Variants in MAP6 observed in about 807,000 individuals in gnomAD.
The protein encoded by MAP6 is microtubule-associated protein 6.
A neutral mutation model predicts 42.4 loss-of-function variants in MAP6; 26 were observed. The observed-to-expected ratio is 0.61, with a 90% CI of 0.45 to 0.85. The LOEUF is 0.85. Among genes scored for constraint, MAP6 ranks in the 40% least tolerant of loss-of-function variants. MAP6 has a pLI of 0.00. For synonymous variants in MAP6, 418 were observed against 443.8 expected (o/e 0.94, Z 0.73); for missense variants, 966 against 1,099.0 (o/e 0.88, Z 1.71).
At chr11:75,660,606 A>G (rs1943827461) in intron 1 of MAP6, among the ~76,000 whole-genome samples, 1 of 152,290 alleles carries the variant, frequency 6.6e-6, no homozygotes, top group East Asian at 1.9e-4. Flanking sequence ...TCTCACAACC[A>G]TGGTTAAGGC....
rs970566779 is a variant in MAP6, at chr11:75,668,457, G to C, written c.-88C>G. 5.6e-6 allele frequency: 8 copies of C among 1,420,828 alleles called. No individual in the cohort carries two copies. The highest frequency in any genetic ancestry group is 2.8e-5 in the East Asian group (1 of 36,320). The allele number at this position is 1,420,828 out of a possible 1,614,324, so 88.0% of individuals were successfully genotyped here. On this transcript the variant is annotated 5_prime_UTR_variant, in exon 1 of 4. Coordinates refer to ENST00000304771, the MANE Select transcript of MAP6 (RefSeq NM_033063.2). ...CTTCCTTCAGCCTCCGATCCTGACC[G>C]GCCAATGTGGTTCCCACCGTTTTCT...
Position 75,630,011 on chromosome 11 carries a change from T to C in MAP6, c.906-21689A>G, listed in dbSNP as rs532921518. The stretch of plus-strand genomic sequence containing the variant: ...AGGACCTACCTTAGAGAAGAATGCT[T>C]GATAAAACACACTACTGGATTTCAA... On this transcript the variant is annotated intron_variant, in intron 1 of 3. Coordinates refer to ENST00000304771, the MANE Select transcript of MAP6 (RefSeq NM_033063.2). Among the ~76,000 whole-genome samples, 9 of 152,304 alleles carry C rather than the reference T, an allele frequency of 5.9e-5. No individual in the cohort carries two copies. In the South Asian group the frequency reaches 1.9e-3, roughly 32 times the overall value.
At chr11:75,633,154 T>C (rs1264623886) in intron 1 of MAP6, among the ~76,000 whole-genome samples, 1 of 152,196 alleles carries the variant, frequency 6.6e-6, no homozygotes, top group Non-Finnish European at 1.5e-5. Context: ...TGAGTCACCA[T>C]GTACAGGGCA....
intron 1 of MAP6, 122 bp from the exon 2 acceptor site, chr11:75,608,444 G>A (rs1942823367): frequency 1.3e-6 from 1 of 756,752 alleles, no homozygotes; most frequent in African/African-American, 1.7e-5. Context: ...CTGAAGTGTG[G>A]CTGGAGGGTT....
At chr11:75,632,600 C>G (rs1237884742) in intron 1 of MAP6, among the ~76,000 whole-genome samples, 1 of 152,058 alleles carries the variant, frequency 6.6e-6, no homozygotes, top group Non-Finnish European at 1.5e-5. Flanking sequence ...GTTCACTGTT[C>G]AAAGAAGATA....
At chr11:75,664,194 A>G (rs193085735) in intron 1 of MAP6, among the ~76,000 whole-genome samples, 4 of 152,352 alleles carry the variant, frequency 2.6e-5, no homozygotes, top group African/African-American at 7.2e-5. Flanking sequence ...AATATCATCT[A>G]TGTAAAATGA....
intron 1 of MAP6, among the ~76,000 whole-genome samples, chr11:75,652,413 C>T (rs1023720651): frequency 6.6e-6 from 1 of 152,190 alleles, no homozygotes; most frequent in Non-Finnish European, 1.5e-5. Flanking sequence ...ACCTCCCTTG[C>T]TGCCTGCCTG....
intron 1 of MAP6, among the ~76,000 whole-genome samples, chr11:75,619,445 T>G (rs1468776328): frequency 6.6e-6 from 1 of 152,176 alleles, no homozygotes; most frequent in Non-Finnish European, 1.5e-5. Flanking sequence ...ACAGATTATT[T>G]CATCACCCAC....
At chr11:75,648,420 C>T (rs746623301) in intron 1 of MAP6, among the ~76,000 whole-genome samples, 1 of 152,074 alleles carries the variant, frequency 6.6e-6, no homozygotes, top group Non-Finnish European at 1.5e-5. Context: ...ATTGCTTGAC[C>T]CTGGAAGGTC....
intron 1 of MAP6, among the ~76,000 whole-genome samples, chr11:75,647,347 C>CAA: frequency 0.021 from 938 of 44,144 alleles, 26 homozygotes; most frequent in African/African-American, 0.052. Flanking sequence ...CCCACCTGAT[C>CAA]AAAAAAAAAA....
chr11:75,619,897 G>A (rs963972913), intron 1 of MAP6, among the ~76,000 whole-genome samples: 1 of 152,136 alleles, frequency 6.6e-6, no homozygotes, highest in African/African-American at 2.4e-5. Context: ...CTAAGGAATT[G>A]TCTTCCACAA....
chr11:75,633,285 T>C (rs1362600394), intron 1 of MAP6, among the ~76,000 whole-genome samples: 1 of 152,226 alleles, frequency 6.6e-6, no homozygotes, highest in Non-Finnish European at 1.5e-5. Context: ...TTTTGTTCTT[T>C]AGGCTAATCC....
At chr11:75,627,122 A>G (rs1943211015) in intron 1 of MAP6, among the ~76,000 whole-genome samples, 1 of 152,280 alleles carries the variant, frequency 6.6e-6, no homozygotes, top group Admixed American at 6.5e-5. Context: ...GGAAATATGC[A>G]GAGCATCCCT....
chr11:75,622,462 AT>A (rs1398853053), intron 1 of MAP6, among the ~76,000 whole-genome samples: 2 of 152,204 alleles, frequency 1.3e-5, no homozygotes, highest in African/African-American at 4.8e-5. Flanking sequence ...AAACTACATA[AT>A]GCTGCTGAGA....
Position 75,588,140 on chromosome 11 carries a change from G to A in MAP6, c.1361C>T (p.Pro454Leu). 6.2e-7 allele frequency: 1 copy of A among 1,613,814 alleles called. No homozygotes were observed. Among genetic ancestry groups the A allele is most frequent in the East Asian group, 2.2e-5 (1 of 44,886 alleles). Residue 454 changes from proline to leucine, a missense_variant, in exon 4 of 4, where the codon CCT (proline) becomes CTT (leucine). By Grantham distance (98) the Pro-to-Leu change is moderately conservative. Around this residue, in one of 2 missense-constraint regions of MAP6, gnomAD observed 943 missense variants for 1,049.9 expected, o/e 0.90. Coordinates refer to ENST00000304771, the MANE Select transcript of MAP6 (RefSeq NM_033063.2). Reference protein sequence around the residue: ...PVSDSSKTQGPVATEPDKDQG... With the variant: ...PVSDSSKTQGLVATEPDKDQG... ...ATCCTTGTCTGGCTCTGTGGCTACA[G>A]GACCTTGAGTCTTACTTGAATCACT...
At chr11:75,588,265 T>A (rs1275449313) in intron 3 of MAP6, 81 bp from the exon 4 acceptor site, 2 of 1,363,140 alleles carry the variant, frequency 1.5e-6, no homozygotes, top group Non-Finnish European at 2.0e-6. Flanking sequence ...CTAATAAGTC[T>A]TGGCCTAGTG....
At chr11:75,628,912 T>A (rs1943240584) in intron 1 of MAP6, among the ~76,000 whole-genome samples, 2 of 152,146 alleles carry the variant, frequency 1.3e-5, no homozygotes, top group African/African-American at 4.8e-5. Flanking sequence ...AATAATAGAT[T>A]TGCTTGATCT....
At chr11:75,634,899 G>A (rs1943343675) in intron 1 of MAP6, among the ~76,000 whole-genome samples, 1 of 152,102 alleles carries the variant, frequency 6.6e-6, no homozygotes, top group Non-Finnish European at 1.5e-5. Context: ...CTTTCATTGA[G>A]CTTTCTCACA....
At chr11:75,623,898 G>A (rs1349649541) in intron 1 of MAP6, among the ~76,000 whole-genome samples, 1 of 152,158 alleles carries the variant, frequency 6.6e-6, no homozygotes, top group Non-Finnish European at 1.5e-5. Context: ...TGATTCCCTG[G>A]AAGTGATGCT....
Sources: allele counts gnomAD v4.1 joint callset (sites outside exome capture counted in the v4.1 genomes callset), GRCh38; gene constraint gnomAD v4.1.1; regional missense constraint gnomAD v4.1.1; transcripts MANE v1.5; gene names NCBI Gene and HGNC (gene_info 2026-07-23, HGNC 2026-07-21).